The following RAB3C variants were observed in gnomAD, a reference collection of about 807,000 sequenced individuals.
RAB3C encodes the protein RAB3C, member RAS oncogene family.
RAB3C carries 17 observed loss-of-function variants against 26.4 expected under a neutral mutation model. The observed-to-expected ratio is 0.64, with a 90% CI of 0.44 to 0.97. The LOEUF is 0.97. Ranked by LOEUF, RAB3C falls within the 50% of genes least tolerant of loss-of-function variation. The probability of loss-of-function intolerance (pLI) is 0.00; values close to 1 mark genes in which losing one functional copy is unlikely to be tolerated. For synonymous variants in RAB3C, 91 were observed against 95.9 expected (o/e 0.95, Z 0.30); for missense variants, 242 against 281.9 (o/e 0.86, Z 1.01).
At chr5:58,677,953 T>A (rs1291799328) in intron 2 of RAB3C, among the ~76,000 whole-genome samples, 1 of 148,786 alleles carries the variant, frequency 6.7e-6, no homozygotes, top group Non-Finnish European at 1.5e-5. Context: ...CTTCTTTTAC[T>A]GGCAGGTAGT....
At chr5:58,716,029 T>TAAA (rs35408476) in intron 2 of RAB3C, among the ~76,000 whole-genome samples, 33 of 110,820 alleles carry the variant, frequency 3.0e-4, no homozygotes, top group Non-Finnish European at 6.0e-4. Flanking sequence ...TAAAGTACAA[T>TAAA]AAAAAAAAAA....
At chr5:58,612,307 A>G (rs1746720522) in intron 1 of RAB3C, among the ~76,000 whole-genome samples, 1 of 151,952 alleles carries the variant, frequency 6.6e-6, no homozygotes, top group Non-Finnish European at 1.5e-5. Flanking sequence ...CATTGAATCT[A>G]TAAATTGCTT....
At chr5:58,786,828 C>T (rs1270827467) in intron 3 of RAB3C, among the ~76,000 whole-genome samples, 1 of 151,764 alleles carries the variant, frequency 6.6e-6, no homozygotes, top group Non-Finnish European at 1.5e-5. Context: ...TTCTTTTATA[C>T]GCCCCCTCAC....
chr5:58,701,370 CCTT>C (rs1748839495), intron 2 of RAB3C, among the ~76,000 whole-genome samples: 1 of 152,058 alleles, frequency 6.6e-6, no homozygotes, highest in Non-Finnish European at 1.5e-5. Flanking sequence ...CTTTGAAATG[CCTT>C]CAGAATCTTT....
intron 3 of RAB3C, among the ~76,000 whole-genome samples, chr5:58,744,854 G>T (rs1440737492): frequency 6.6e-6 from 1 of 152,064 alleles, no homozygotes; most frequent in African/African-American, 2.4e-5. Flanking sequence ...GTTTTTCCAC[G>T]GCAATCACTG....
At chr5:58,661,183 T>G (rs1747898811) in intron 2 of RAB3C, among the ~76,000 whole-genome samples, 1 of 150,356 alleles carries the variant, frequency 6.7e-6, no homozygotes, top group Non-Finnish European at 1.5e-5. Flanking sequence ...GAATATATCT[T>G]AAAGTATAGT....
At chr5:58,830,312 G>A (rs1159780716) in intron 4 of RAB3C, among the ~76,000 whole-genome samples, 2 of 152,074 alleles carry the variant, frequency 1.3e-5, no homozygotes, top group South Asian at 2.1e-4. Flanking sequence ...TAGTGCAGGC[G>A]GGACATATAA....
At chr5:58,593,761 G>T (rs186421862) in intron 1 of RAB3C, among the ~76,000 whole-genome samples, 1 of 152,276 alleles carries the variant, frequency 6.6e-6, no homozygotes, top group East Asian at 1.9e-4. Flanking sequence ...TTGAGATAAT[G>T]AAGTATTTTT....
rs1744216198 is a variant in RAB3C at position 58,854,569 on chromosome 5, T to C, written c.*3218T>C. 1 of 152,208 alleles carries C rather than the reference T, an allele frequency of 6.6e-6. No individual in the cohort carries two copies. The highest frequency in any genetic ancestry group is 1.5e-5 in the Non-Finnish European group (1 of 68,032). 9.4% of individuals were successfully genotyped at this position (152,208 alleles called of 1,614,324 possible). On this transcript the variant is annotated 3_prime_UTR_variant, in exon 5 of 5. Transcript: ENST00000282878. ...AGAGGAATTGCTTCAGGACAATGAA[T>C]CAGTTCATTGTTGCTGCCCCCAGTG...
chr5:58,741,997 C>A (rs1183385087), intron 3 of RAB3C: 20 of 149,290 alleles, frequency 1.3e-4, no homozygotes, highest in African/African-American at 4.4e-4. Context: ...CAGCGAGACT[C>A]CGTCTAAAAA....
intron 2 of RAB3C, among the ~76,000 whole-genome samples, chr5:58,628,573 C>T (rs988126641): frequency 2.6e-5 from 4 of 152,156 alleles, no homozygotes; most frequent in Admixed American, 1.3e-4. Flanking sequence ...CTCATTCATC[C>T]CACCTTCTGA....
intron 2 of RAB3C, among the ~76,000 whole-genome samples, chr5:58,704,889 T>A (rs1748914107): frequency 6.6e-6 from 1 of 152,188 alleles, no homozygotes. Flanking sequence ...GTTAGCACAA[T>A]AAGAAACTCA....
intron 4 of RAB3C, among the ~76,000 whole-genome samples, chr5:58,844,337 A>G (rs1286204440): frequency 6.6e-6 from 1 of 152,224 alleles, no homozygotes; most frequent in Non-Finnish European, 1.5e-5. Context: ...ATGCCTGGCT[A>G]AAGACACAGA....
chr5:58,825,127 C>G lies in RAB3C; in HGVS notation c.461C>G (p.Ser154Ter), dbSNP rs771877393. ...KCDMEDERVI[S>*]TERGQHLGEQ... ...GACATGGAAGACGAGCGGGTCATCTCAACTGAGCGAGGTCAACATTTAGGA... is the reference window on the plus strand; with the variant it reads ...GACATGGAAGACGAGCGGGTCATCTGAACTGAGCGAGGTCAACATTTAGGA... The change falls in exon 4 of 5, where the codon TCA (serine) becomes TGA (stop). Residue 154 changes from serine (S) to a stop codon, truncating the protein, a stop_gained. Transcript: ENST00000282878. LOFTEE classifies it high-confidence loss of function. The G allele has an allele frequency of 6.2e-7, 1 of 1,612,854 alleles. No homozygotes were observed.
chr5:58,769,702 C>T (rs1364696500), intron 3 of RAB3C, among the ~76,000 whole-genome samples: 1 of 152,086 alleles, frequency 6.6e-6, no homozygotes, highest in East Asian at 1.9e-4. Context: ...TAACTGCTAC[C>T]AGGAGGTGAA....
chr5:58,845,119 T>G (rs1743960397), intron 4 of RAB3C, among the ~76,000 whole-genome samples: 1 of 152,086 alleles, frequency 6.6e-6, no homozygotes, highest in South Asian at 2.1e-4. Context: ...GCTCTGACGT[T>G]CCAGTACTCT....
intron 2 of RAB3C, among the ~76,000 whole-genome samples, chr5:58,673,461 C>CAG (rs1368270213): frequency 7.2e-6 from 1 of 138,452 alleles, no homozygotes; most frequent in African/African-American, 3.4e-5. Flanking sequence ...CACACACACA[C>CAG]ACACACACAC....
intron 1 of RAB3C, among the ~76,000 whole-genome samples, chr5:58,606,756 T>C (rs920957252): frequency 6.6e-6 from 1 of 152,208 alleles, no homozygotes; most frequent in Non-Finnish European, 1.5e-5. Flanking sequence ...TCTCTGCTGG[T>C]AATACCCAGG....
At chr5:58,597,079 A>ATATATAATACATAATATATATTATATAAT (rs1561260515) in intron 1 of RAB3C, among the ~76,000 whole-genome samples, 134 of 6,494 alleles carry the variant, frequency 0.021, 11 homozygotes, top group African/African-American at 0.13. Flanking sequence ...ATTATATAAT[A>ATATATAATACATAATATATATTATATAAT]ATATATAATA....
Sources: gnomAD v4.1 joint callset for allele counts (sites outside exome capture counted in the v4.1 genomes callset) on GRCh38, gnomAD v4.1.1 for gene constraint, MANE v1.5 for transcripts, NCBI Gene and HGNC (gene_info 2026-07-23, HGNC 2026-07-21) for gene names.